The following PHF20 variants were observed in gnomAD, a reference collection of about 807,000 sequenced individuals.
PHF20 encodes glioma-expressed antigen 2.
PHF20 carries 23 observed loss-of-function variants against 113.5 expected under a neutral mutation model. The ratio of observed to expected loss-of-function variants is 0.20; its 90% CI spans 0.15 to 0.29. PHF20 has a LOEUF of 0.29. Among genes scored for constraint, PHF20 ranks in the 10% least tolerant of loss-of-function variants. The probability of loss-of-function intolerance (pLI) is 1.00; values close to 1 mark genes in which losing one functional copy is unlikely to be tolerated. For missense variants in PHF20, 943 were observed against 1,219.6 expected (o/e 0.77, Z 3.38); for synonymous variants, 434 against 457.3 (o/e 0.95, Z 0.65).
intron 6 of PHF20, among the ~76,000 whole-genome samples, chr20:35,865,179 CA>C (rs953769007): frequency 6.7e-6 from 1 of 150,286 alleles, no homozygotes; most frequent in Non-Finnish European, 1.5e-5. Context: ...GGCGACAAAA[CA>C]AAAAAAAATT....
At chr20:35,794,161 C>T (rs1376357270) in intron 1 of PHF20, among the ~76,000 whole-genome samples, 2 of 151,576 alleles carry the variant, frequency 1.3e-5, no homozygotes, top group African/African-American at 4.8e-5. Context: ...ATTAGCCAGG[C>T]GTGGTGGCAC....
intron 2 of PHF20, among the ~76,000 whole-genome samples, chr20:35,815,485 C>T (rs1225275178): frequency 6.6e-6 from 1 of 150,816 alleles, no homozygotes; most frequent in Non-Finnish European, 1.5e-5. Context: ...TTTTTTGAGG[C>T]AGAGTCTTGC....
chr20:35,885,891 C>G (rs902311862), intron 9 of PHF20, among the ~76,000 whole-genome samples: 1 of 152,040 alleles, frequency 6.6e-6, no homozygotes, highest in South Asian at 2.1e-4. Flanking sequence ...ACTGGTATTT[C>G]TTGCCTGAAA....
At chr20:35,939,448 C>T (rs1303383357) in intron 16 of PHF20, among the ~76,000 whole-genome samples, 1 of 152,078 alleles carries the variant, frequency 6.6e-6, no homozygotes, top group African/African-American at 2.4e-5. Context: ...TATAATTGCA[C>T]CTAGATGTTA....
At chr20:35,825,478 C>T (rs74912982) in intron 2 of PHF20, among the ~76,000 whole-genome samples, 7,280 of 152,244 alleles carry the variant, frequency 0.048, 214 homozygotes, top group African/African-American at 0.089. Flanking sequence ...TGACAGGCCT[C>T]AAACTCCTGG....
chr20:35,848,969 A>C (rs777378684), intron 4 of PHF20, among the ~76,000 whole-genome samples: 48 of 152,282 alleles, frequency 3.2e-4, no homozygotes, highest in South Asian at 1.2e-3. Flanking sequence ...TGCAACGCTA[A>C]TATCTTGTTT....
rs1364652855 is a variant in PHF20, at chr20:35,865,511, T to G, written c.808+2111T>G. On this transcript the variant is annotated intron_variant, in intron 6 of 17. Coordinates refer to ENST00000374012, the MANE Select transcript of PHF20 (RefSeq NM_016436.5). Reference sequence around the variant, plus strand: ...TTTTAAGTTGTGTTTTTTTTTTTTTTTTTTTTTTTTTGACAGGGTCTCACT... The same window carrying G: ...TTTTAAGTTGTGTTTTTTTTTTTTTGTTTTTTTTTTTGACAGGGTCTCACT... 3.0e-5 allele frequency among the ~76,000 whole-genome samples: 4 copies of G among 132,786 alleles called. No individual in the cohort carries two copies. In the East Asian group the frequency reaches 6.4e-4, roughly 21 times the overall value. The allele number at this position is 132,786 out of a possible 152,430, so 87.1% of individuals were successfully genotyped here. A position where few individuals can be genotyped will look rare whatever the true frequency, so the allele number is the denominator to read the frequency against.
At chr20:35,812,109 A>G (rs1046811123) in intron 2 of PHF20, among the ~76,000 whole-genome samples, 32 of 152,156 alleles carry the variant, frequency 2.1e-4, no homozygotes, top group African/African-American at 7.5e-4. Context: ...AACATAATGA[A>G]AAGTTGAGAG....
rs572280744 is a variant in PHF20, at chr20:35,789,260, G to A, written c.-32-12231G>A. 1.6e-4 allele frequency among the ~76,000 whole-genome samples: 25 copies of A among 151,902 alleles called. No individual in the cohort carries two copies. The South Asian group carries it at 5.2e-3, about 32-fold the overall frequency. ...ACATGGTGAAACTAGAGACTAGCCC[G>A]TCTCTAGTAAAAATACAAAAATTAG... On this transcript the variant is annotated intron_variant, in intron 1 of 17. Transcript: ENST00000374012.
Position 35,899,435 on chromosome 20 carries a change from C to G in PHF20, c.1348C>G (p.His450Asp). 1 of 1,614,002 alleles carries G rather than the reference C, an allele frequency of 6.2e-7. No individual in the cohort carries two copies. Among genetic ancestry groups the G allele is most frequent in the Non-Finnish European group, 8.5e-7 (1 of 1,179,896 alleles). Residue 450 changes from histidine to aspartate, a missense_variant, in exon 10 of 18, where the codon CAT becomes GAT. This residue lies in a region of PHF20 where 592 missense variants were observed against 787.2 expected (regional missense o/e 0.75). Transcript: ENST00000374012. ...SSNAPAVDLD[H>D]KFRCKVVDCL... ...TAATGCACCAGCTGTCGACCTAGAC[C>G]ATAAGTTTAGATGCAAAGTTGTGGA...
At chr20:35,858,061 AAAAC>A (rs1371442219) in intron 4 of PHF20, among the ~76,000 whole-genome samples, 1 of 152,188 alleles carries the variant, frequency 6.6e-6, no homozygotes, top group East Asian at 1.9e-4. Context: ...GAAGCATCTA[AAAAC>A]AAGTTTATTT....
intron 15 of PHF20, among the ~76,000 whole-genome samples, chr20:35,936,458 T>G (rs1317775775): frequency 6.6e-6 from 1 of 152,206 alleles, no homozygotes; most frequent in Non-Finnish European, 1.5e-5. Context: ...CACTTCCACT[T>G]TCACAGGAAG....
intron 9 of PHF20, among the ~76,000 whole-genome samples, chr20:35,897,396 G>C (rs1186742647): frequency 6.6e-6 from 1 of 151,910 alleles, no homozygotes; most frequent in Non-Finnish European, 1.5e-5. Flanking sequence ...GATTAAATCA[G>C]GATAATTGGC....
intron 1 of PHF20, among the ~76,000 whole-genome samples, chr20:35,786,566 G>A (rs2146838681): frequency 6.6e-6 from 1 of 152,094 alleles, no homozygotes; most frequent in Non-Finnish European, 1.5e-5. Flanking sequence ...GCCCAGTTTG[G>A]TGGTGCACGC....
At chr20:35,894,772 G>A (rs1165698272) in intron 9 of PHF20, among the ~76,000 whole-genome samples, 2 of 152,158 alleles carry the variant, frequency 1.3e-5, no homozygotes, top group African/African-American at 2.4e-5. Context: ...TTTTGAAATA[G>A]GCTGTCCAGC....
At chr20:35,879,071 A>T (rs2054580954) in intron 9 of PHF20, among the ~76,000 whole-genome samples, 1 of 152,190 alleles carries the variant, frequency 6.6e-6, no homozygotes, top group Non-Finnish European at 1.5e-5. Context: ...AAGTACTCCC[A>T]GTTTGCTGCA....
At chr20:35,877,523 C>T (rs954909830) in intron 9 of PHF20, among the ~76,000 whole-genome samples, 1 of 150,628 alleles carries the variant, frequency 6.6e-6, no homozygotes, top group Non-Finnish European at 1.5e-5. Flanking sequence ...GATTTCGGCT[C>T]ACTGCAACCT....
At chr20:35,782,726 C>G (rs567140336) in intron 1 of PHF20, 2 of 152,304 alleles carry the variant, frequency 1.3e-5, no homozygotes, top group East Asian at 3.9e-4. Context: ...CCTCTTGAAC[C>G]TTTCATTGTG....
At chr20:35,869,775 C>G (rs2054385160) in intron 7 of PHF20, among the ~76,000 whole-genome samples, 1 of 152,188 alleles carries the variant, frequency 6.6e-6, no homozygotes, top group South Asian at 2.1e-4. Flanking sequence ...GTATCATCTC[C>G]ATATCCATAA....
Sources: allele counts gnomAD v4.1 joint callset (sites outside exome capture counted in the v4.1 genomes callset), GRCh38; gene constraint gnomAD v4.1.1; regional missense constraint gnomAD v4.1.1; transcripts MANE v1.5; gene names NCBI Gene and HGNC (gene_info 2026-07-23, HGNC 2026-07-21).